The following SIK3 variants were observed in gnomAD, a reference collection of about 807,000 sequenced individuals.
The protein encoded by SIK3 is SIK family kinase 3.
Under a neutral mutation model 144.2 loss-of-function variants are expected in SIK3, and 28 were observed. The observed-to-expected ratio is 0.19, with a 90% CI of 0.14 to 0.27. The LOEUF (loss-of-function observed/expected upper bound fraction) is 0.27, where lower values mean the gene tolerates loss of function less well. Ranked by LOEUF, SIK3 falls within the 10% of genes least tolerant of loss-of-function variation. The pLI is 1.00. For synonymous variants in SIK3, 686 were observed against 676.3 expected (o/e 1.01, Z -0.22); for missense variants, 1,319 against 1,776.0 (o/e 0.74, Z 4.62).
intron 1 of SIK3, among the ~76,000 whole-genome samples, chr11:117,088,302 G>A (rs1955103266): frequency 6.6e-6 from 1 of 152,106 alleles, no homozygotes; most frequent in African/African-American, 2.4e-5. Context: ...ACTTACTTTA[G>A]ATACACTGAT....
intron 1 of SIK3, among the ~76,000 whole-genome samples, chr11:116,999,396 A>T (rs561644817): frequency 5.3e-4 from 80 of 152,290 alleles, no homozygotes; most frequent in Middle Eastern, 3.4e-3. Context: ...TCTAAAAAAA[A>T]TTTTTTTAAT....
intron 6 of SIK3, chr11:116,893,853 A>C (rs1374648653): frequency 1.2e-5 from 2 of 160,854 alleles, no homozygotes; most frequent in African/African-American, 2.4e-5. Flanking sequence ...CTTTTATAGT[A>C]AACTGGAAAG....
At chr11:117,070,783 A>C (rs1591649130) in intron 1 of SIK3, among the ~76,000 whole-genome samples, 4 of 123,562 alleles carry the variant, frequency 3.2e-5, no homozygotes, top group Non-Finnish European at 4.9e-5. Flanking sequence ...ACGAAGTTTC[A>C]CTCGTGTTGC....
chr11:117,013,972 C>CTTTTTTTTTTTTTTTTTTT lies in SIK3; in HGVS notation c.274-56927_274-56909dup, dbSNP rs71037442. On this transcript the variant is annotated intron_variant, in intron 1 of 24. Transcript: ENST00000445177. ...TGTGTTTTATTTCTTTTTTTCTTTT[C>CTTTTTTTTTTTTTTTTTTT]TTTTTTTTTTTTTTTTTTTTTTGAG... Among the ~76,000 whole-genome samples, 262 of 27,022 alleles carry CTTTTTTTTTTTTTTTTTTT rather than the reference C, an allele frequency of 9.7e-3. 68 individuals carry two copies. The highest frequency in any genetic ancestry group is 0.013 in the Non-Finnish European group (175 of 13,404). 17.7% of individuals were successfully genotyped at this position (27,022 alleles called of 152,430 possible). A position where few individuals can be genotyped will look rare whatever the true frequency, so the allele number is the denominator to read the frequency against.
chr11:117,089,237 C>G (rs1365052512), intron 1 of SIK3, among the ~76,000 whole-genome samples: 1 of 151,904 alleles, frequency 6.6e-6, no homozygotes, highest in East Asian at 1.9e-4. Flanking sequence ...GAAACGCCGT[C>G]TCTACTAAAA....
At chr11:117,081,557 G>C (rs986220750) in intron 1 of SIK3, among the ~76,000 whole-genome samples, 5 of 152,180 alleles carry the variant, frequency 3.3e-5, no homozygotes, top group African/African-American at 1.2e-4. Flanking sequence ...CTGGGAGGCG[G>C]AGCTTGCAGT....
rs112659126 is a variant in SIK3, at chr11:117,044,604, T to G, written c.273+53539A>C. Among the ~76,000 whole-genome samples, 1,390 of 144,432 alleles carry G rather than the reference T, an allele frequency of 9.6e-3. 23 individuals carry two copies. The highest frequency in any genetic ancestry group is 0.033 in the African/African-American group (1,325 of 40,270). 94.8% of individuals were successfully genotyped at this position (144,432 alleles called of 152,430 possible). ...TAACAGACCTCTTCACCCCACATTT[T>G]GTATCACCAAGAAAAAAAAAAAAAG... is the stretch of plus-strand genomic sequence containing the variant. On this transcript the variant is annotated intron_variant, in intron 1 of 24. Coordinates refer to ENST00000445177, the MANE Select transcript of SIK3 (RefSeq NM_001366686.3).
chr11:117,014,793 G>A (rs1337592626), intron 1 of SIK3, among the ~76,000 whole-genome samples: 1 of 152,098 alleles, frequency 6.6e-6, no homozygotes, highest in Non-Finnish European at 1.5e-5. Flanking sequence ...TTTTTAAGTG[G>A]GTAGTTCACA....
At chr11:116,908,873 A>T (rs549633921) in intron 4 of SIK3, among the ~76,000 whole-genome samples, 2 of 152,312 alleles carry the variant, frequency 1.3e-5, no homozygotes, top group South Asian at 4.1e-4. Flanking sequence ...TGACCCAGCA[A>T]TTTCACTTCT....
At chr11:116,931,724 T>G (rs1182707013) in intron 3 of SIK3, among the ~76,000 whole-genome samples, 1 of 152,186 alleles carries the variant, frequency 6.6e-6, no homozygotes, top group Non-Finnish European at 1.5e-5. Context: ...GCCACTCAGT[T>G]CTATCATTTC....
At chr11:117,017,403 A>T (rs1276209379) in intron 1 of SIK3, among the ~76,000 whole-genome samples, 1 of 152,250 alleles carries the variant, frequency 6.6e-6, no homozygotes, top group Non-Finnish European at 1.5e-5. Context: ...GAGTATTTAT[A>T]ACAGCTCATT....
At position 116,859,463 on chromosome 11, in the gene SIK3, G is replaced by A. The variant is rs1386307865; in HGVS notation, c.2567C>T (p.Thr856Ile). Residue 856 changes from threonine (T) to isoleucine (I), a missense_variant, in exon 20 of 25, where the codon ACC becomes ATC. Thr to Ile is a moderately conservative substitution (Grantham distance 89). This residue lies in a region of SIK3 where 646 missense variants were observed against 763.7 expected (regional missense o/e 0.85). Transcript: ENST00000445177. The stretch of plus-strand genomic sequence containing the variant: ...GTCAACAGGCTCTTGGACTTGGATG[G>A]TGACCTGCTGTGACTGAGCAGGCTG... ...MQQPAQSQQV[T>I]IQVQEPVDML... is the part of the protein sequence containing the mutation. 20 of 1,614,106 alleles carry A rather than the reference G, an allele frequency of 1.2e-5. No individual in the cohort carries two copies. The highest frequency in any genetic ancestry group is 1.7e-5 in the Non-Finnish European group (20 of 1,180,060).
chr11:116,988,058 A>G (rs903793816), intron 1 of SIK3, among the ~76,000 whole-genome samples: 1 of 152,172 alleles, frequency 6.6e-6, no homozygotes, highest in Non-Finnish European at 1.5e-5. Flanking sequence ...AGATGATGAA[A>G]CTAAAGCAAA....
At chr11:116,925,303 G>GA (rs1947216006) in intron 4 of SIK3, among the ~76,000 whole-genome samples, 1 of 152,202 alleles carries the variant, frequency 6.6e-6, no homozygotes, top group Non-Finnish European at 1.5e-5. Context: ...TGGATTATCT[G>GA]AGACAGCCCA....
chr11:117,075,181 G>A (rs1954458416), intron 1 of SIK3, among the ~76,000 whole-genome samples: 1 of 152,186 alleles, frequency 6.6e-6, no homozygotes, highest in Non-Finnish European at 1.5e-5. Flanking sequence ...CCTGGGAAGG[G>A]AAATCTGGAT....
intron 1 of SIK3, among the ~76,000 whole-genome samples, chr11:117,009,898 A>AT (rs1352528824): frequency 6.6e-6 from 1 of 152,208 alleles, no homozygotes; most frequent in East Asian, 1.9e-4. Flanking sequence ...CAACTTCTAG[A>AT]TTAACACTTA....
chr11:117,027,673 G>A (rs1421541619), intron 1 of SIK3, among the ~76,000 whole-genome samples: 7 of 151,740 alleles, frequency 4.6e-5, no homozygotes, highest in Non-Finnish European at 7.4e-5. Flanking sequence ...CACCATGTTG[G>A]CCAGGCTGGT....
chr11:116,897,666 G>A (rs111574329), intron 4 of SIK3, among the ~76,000 whole-genome samples: 4,347 of 152,194 alleles, frequency 0.029, 195 homozygotes, highest in African/African-American at 0.096. Flanking sequence ...CGAGGTGGGC[G>A]GATCACGAGG....
intron 1 of SIK3, among the ~76,000 whole-genome samples, chr11:117,092,708 G>T (rs544316956): frequency 6.6e-6 from 1 of 152,304 alleles, no homozygotes; most frequent in African/African-American, 2.4e-5. Context: ...TCTCTATGCA[G>T]ATGTCTTAGG....
Sources: allele counts gnomAD v4.1 joint callset (sites outside exome capture counted in the v4.1 genomes callset), GRCh38; gene constraint gnomAD v4.1.1; regional missense constraint gnomAD v4.1.1; transcripts MANE v1.5; gene names NCBI Gene and HGNC (gene_info 2026-07-23, HGNC 2026-07-21).